Variants in HHIPL1 observed in about 807,000 individuals in gnomAD.
HHIPL1 encodes the protein HHIP-like protein 1.
Under a neutral mutation model 61.8 loss-of-function variants are expected in HHIPL1, and 43 were observed. The observed-to-expected ratio is 0.70, with a 90% CI of 0.55 to 0.90. The LOEUF (loss-of-function observed/expected upper bound fraction) is 0.90, where lower values mean the gene tolerates loss of function less well. Ranked by LOEUF, HHIPL1 falls within the 40% of genes least tolerant of loss-of-function variation. The pLI is 0.00. For missense variants in HHIPL1, 1,056 were observed against 1,157.7 expected (o/e 0.91, Z 1.28); for synonymous variants, 482 against 515.8 (o/e 0.93, Z 0.89).
Position 99,659,683 on chromosome 14 carries a change from C to T in HHIPL1, c.1302C>T (p.Gly434=), listed in dbSNP as rs1049918052. The change falls in exon 4 of 9, where the codon GGC becomes GGT. Residue 434 remains glycine (G), a synonymous_variant. Transcript: ENST00000330710. The part of the protein sequence containing the change: ...KFEEVDVVER[G]GNYGWRAREG... ...AGGAGGTGGACGTGGTGGAGCGCGG[C>T]GGCAACTATGGCTGGCGCGCGCGCG... 18 of 1,531,378 alleles carry T rather than the reference C, an allele frequency of 1.2e-5. No homozygotes were observed. The highest frequency in any genetic ancestry group is 1.5e-5 in the Non-Finnish European group (17 of 1,144,312). The allele number at this position is 1,531,378 out of a possible 1,614,324, so 94.9% of individuals were successfully genotyped here.
Position 99,675,102 on chromosome 14 carries a change from A to C in HHIPL1, c.1825A>C (p.Lys609Gln). 8.6e-7 allele frequency: 1 copy of C among 1,167,062 alleles called. No individual in the cohort carries two copies. The highest frequency in any genetic ancestry group is 1.1e-6 in the Non-Finnish European group (1 of 934,188). The allele number at this position is 1,167,062 out of a possible 1,614,324, so 72.3% of individuals were successfully genotyped here. A position where few individuals can be genotyped will look rare whatever the true frequency, so the allele number is the denominator to read the frequency against. ...CTTCCTCTGCGCAGAGTTCATCCCG[A>C]AGACACGGAGCACCCCGCGGCCTAC... ...PFVPKEKFIP[K>Q]TRSTPRPTAR... Residue 609 changes from lysine to glutamine, a missense_variant, in exon 9 of 9, where the codon AAG becomes CAG. Transcript: ENST00000330710. This position sits in a 1 kb window ranked among gnomAD's most constrained non-coding sequence, Gnocchi z 5.4.
rs1046133537 is a variant in HHIPL1, at chr14:99,675,500, C to T, written c.2223C>T (p.Asp741=). The T allele has an allele frequency of 7.1e-6, 11 of 1,543,056 alleles. No individual in the cohort carries two copies. Among genetic ancestry groups the T allele is most frequent in the Admixed American group, 2.0e-5 (1 of 50,982 alleles). The change falls in exon 9 of 9, where the codon GAC becomes GAT. Residue 741 remains aspartate, a synonymous_variant. Coordinates refer to ENST00000330710, the MANE Select transcript of HHIPL1 (RefSeq NM_001127258.3). This position sits in a 1 kb window ranked among gnomAD's most constrained non-coding sequence, Gnocchi z 5.4. ...GQGGSLPILL[D]DVRCAGWERN... is the part of the protein sequence containing the mutation. Reference sequence around the variant, plus strand: ...GCGGCTCGCTGCCCATTCTGCTGGACGATGTGCGCTGCGCGGGCTGGGAGC... The same window carrying T: ...GCGGCTCGCTGCCCATTCTGCTGGATGATGTGCGCTGCGCGGGCTGGGAGC...
At chr14:99,623,182 C>G in the HHIPL1 span, among the ~76,000 whole-genome samples, 1 of 152,184 alleles carries the variant, frequency 6.6e-6, no homozygotes, top group Non-Finnish European at 1.5e-5. Flanking sequence ...CCAGCTCGGG[C>G]TTTTATCCTT....
chr14:99,632,370 G>C, the HHIPL1 span, among the ~76,000 whole-genome samples: 1,468 of 152,280 alleles, frequency 9.6e-3, 24 homozygotes, highest in African/African-American at 0.033. Context: ...CCCAATCCCT[G>C]TTCATTAGAC....
chr14:99,646,251 G>A (rs1778985345), intron 1 of HHIPL1, among the ~76,000 whole-genome samples: 1 of 152,276 alleles, frequency 6.6e-6, no homozygotes, highest in Admixed American at 6.5e-5. Flanking sequence ...GCTGAATGCA[G>A]AAATGGAGCA....
At chr14:99,665,861 A>G (rs1480300062) in intron 6 of HHIPL1, among the ~76,000 whole-genome samples, 2 of 150,396 alleles carry the variant, frequency 1.3e-5, no homozygotes, top group Non-Finnish European at 3.0e-5. Context: ...GGCTCACTGC[A>G]ACCTCTGCCT....
chr14:99,670,556 T>C (rs2056316603), intron 7 of HHIPL1, among the ~76,000 whole-genome samples: 1 of 152,210 alleles, frequency 6.6e-6, no homozygotes, highest in South Asian at 2.1e-4. Flanking sequence ...TACCAGACTT[T>C]TTTTTTTCTT....
the HHIPL1 span, among the ~76,000 whole-genome samples, chr14:99,628,293 C>T: frequency 6.6e-6 from 1 of 152,120 alleles, no homozygotes; most frequent in Admixed American, 6.5e-5. Flanking sequence ...GAAAACAACA[C>T]CAACAGCCGG....
chr14:99,622,358 C>T, the HHIPL1 span, among the ~76,000 whole-genome samples: 1 of 152,300 alleles, frequency 6.6e-6, no homozygotes, highest in South Asian at 2.1e-4. Context: ...CTGGGGTGCT[C>T]TGTCCAGAGA....
the HHIPL1 span, among the ~76,000 whole-genome samples, chr14:99,609,621 G>A: frequency 2.6e-4 from 40 of 152,300 alleles, no homozygotes; most frequent in South Asian, 6.8e-3. Context: ...TGGGGAAACC[G>A]CATGAAGCTG....
chr14:99,645,640 G>C (rs963929599), intron 1 of HHIPL1, among the ~76,000 whole-genome samples, 178 bp downstream of exon 1: 3 of 152,242 alleles, frequency 2.0e-5, no homozygotes, highest in Admixed American at 6.5e-5. Flanking sequence ...GACGACTCTT[G>C]GCTTTGCCAT....
At chr14:99,626,267 G>T in the HHIPL1 span, among the ~76,000 whole-genome samples, 122,936 of 147,462 alleles carry the variant, frequency 0.83, 51,421 homozygotes, top group South Asian at 0.94. Flanking sequence ...GGTGTAGCGG[G>T]GTGTGTGTGT....
chr14:99,634,205 T>A, the HHIPL1 span, among the ~76,000 whole-genome samples: 2 of 152,062 alleles, frequency 1.3e-5, no homozygotes, highest in Admixed American at 1.3e-4. Context: ...GGCACGTATG[T>A]GTCTGTGCAA....
the HHIPL1 span, among the ~76,000 whole-genome samples, chr14:99,629,084 C>T: frequency 7.4e-4 from 112 of 152,284 alleles, no homozygotes; most frequent in African/African-American, 2.6e-3. Context: ...CCCAGACACC[C>T]GCGGATGTAG....
At chr14:99,614,741 C>T in the HHIPL1 span, among the ~76,000 whole-genome samples, 5 of 152,158 alleles carry the variant, frequency 3.3e-5, no homozygotes, top group African/African-American at 1.2e-4. Context: ...CCAAATAATC[C>T]TCAAATGTGC....
rs188030694 is a variant in HHIPL1 at position 99,673,313 on chromosome 14, T to G, written c.1813+914T>G. Reference sequence around the variant, plus strand: ...CTTGGTGAGTTTTTCATTTACTCATTCAGCAGTTTCTGGCACTTTTGTTAG... The same window carrying G: ...CTTGGTGAGTTTTTCATTTACTCATGCAGCAGTTTCTGGCACTTTTGTTAG... On this transcript the variant is annotated intron_variant, in intron 8 of 8. Transcript: ENST00000330710. Among the ~76,000 whole-genome samples, 25 of 151,758 alleles carry G rather than the reference T, an allele frequency of 1.6e-4. No homozygotes were observed. The East Asian group carries it at 2.6e-3, about 16-fold the overall frequency.
At chr14:99,617,398 G>A in the HHIPL1 span, among the ~76,000 whole-genome samples, 2 of 152,128 alleles carry the variant, frequency 1.3e-5, no homozygotes, top group Admixed American at 6.6e-5. Context: ...GTCACCATGA[G>A]AAAGCAACAG....
chr14:99,638,670 C>A, the HHIPL1 span, among the ~76,000 whole-genome samples: 2 of 152,184 alleles, frequency 1.3e-5, no homozygotes, highest in African/African-American at 2.4e-5. Flanking sequence ...GAGGGAGAGT[C>A]CTTAATGGGG....
At position 99,654,554 on chromosome 14, in the gene HHIPL1, C is replaced by T. The variant is rs901842481; in HGVS notation, c.902+1684C>T. Among the ~76,000 whole-genome samples, 17 of 152,190 alleles carry T rather than the reference C, an allele frequency of 1.1e-4. 1 individual carries two copies. The highest frequency in any genetic ancestry group is 1.1e-3 in the Admixed American group (17 of 15,278). ...GGAAATGTCGTTCATAGGAGCTGAC[C>T]CCCTGCAGTAGAGAGGAGGTAGGGG... On this transcript the variant is annotated intron_variant, in intron 2 of 8. Coordinates refer to ENST00000330710, the MANE Select transcript of HHIPL1 (RefSeq NM_001127258.3).
Sources: allele counts gnomAD v4.1 joint callset (sites outside exome capture counted in the v4.1 genomes callset), GRCh38; gene constraint gnomAD v4.1.1; non-coding constraint Gnocchi (gnomAD v3.1); transcripts MANE v1.5; gene names NCBI Gene and HGNC (gene_info 2026-07-23, HGNC 2026-07-21).